Variants in GRHL2 observed in about 807,000 individuals in gnomAD.
GRHL2 encodes grainyhead-like protein 2 homolog.
In GRHL2, 21 loss-of-function variants were observed where a neutral mutation model predicts 83.8. That is an observed-to-expected ratio of 0.25 (90% CI 0.18 to 0.36). The LOEUF is 0.36. Ranked by LOEUF, GRHL2 falls within the 10% of genes least tolerant of loss-of-function variation. GRHL2 has a pLI of 1.00. For missense variants in GRHL2, 623 were observed against 781.8 expected, an observed-to-expected ratio of 0.80 and a Z score of 2.42; for synonymous variants, 280 against 278.9, an observed-to-expected ratio of 1.00 and a Z score of -0.04.
At chr8:101,595,395 C>G (rs1389073628) in intron 7 of GRHL2, among the ~76,000 whole-genome samples, 1 of 152,192 alleles carries the variant, frequency 6.6e-6, no homozygotes, top group Non-Finnish European at 1.5e-5. Context: ...CATGTTTGAA[C>G]AAATTTTCTT....
Position 101,524,556 on chromosome 8 carries a change from A to C in GRHL2, c.21-18685A>C, listed in dbSNP as rs528426202. On this transcript the variant is annotated intron_variant, in intron 1 of 15. Coordinates refer to ENST00000646743, the MANE Select transcript of GRHL2 (RefSeq NM_024915.4). Reference sequence around the variant, plus strand: ...ATCATGGAGTTCTAATTAAAAAAAAAGCTTCCTTTAAGAGCTGTTCTTTGA... The same window carrying C: ...ATCATGGAGTTCTAATTAAAAAAAACGCTTCCTTTAAGAGCTGTTCTTTGA... Among the ~76,000 whole-genome samples, 5 of 152,324 alleles carry C rather than the reference A, an allele frequency of 3.3e-5. No homozygotes were observed. The South Asian group carries it at 1.0e-3, about 32-fold the overall frequency.
intron 1 of GRHL2, among the ~76,000 whole-genome samples, chr8:101,514,127 AC>A (rs1293240294): frequency 6.6e-6 from 1 of 151,836 alleles, no homozygotes; most frequent in South Asian, 2.1e-4. Flanking sequence ...CCCCAGCCCC[AC>A]TCTTACACAC....
chr8:101,495,397 C>T (rs60758999), intron 1 of GRHL2, among the ~76,000 whole-genome samples: 5,406 of 152,204 alleles, frequency 0.036, 328 homozygotes, highest in African/African-American at 0.12. Flanking sequence ...AAACGTTCTG[C>T]TTTTGATGTT....
chr8:101,563,815 T>G (rs1303255547), intron 4 of GRHL2, among the ~76,000 whole-genome samples: 1 of 152,004 alleles, frequency 6.6e-6, no homozygotes, highest in Non-Finnish European at 1.5e-5. Context: ...TAGTGAGGGG[T>G]GCTTCTGTAG....
chr8:101,519,025 A>G (rs1442360588), intron 1 of GRHL2, among the ~76,000 whole-genome samples: 2 of 133,670 alleles, frequency 1.5e-5, no homozygotes, highest in East Asian at 4.5e-4. Context: ...ATGTCTGCAC[A>G]CTCACATACA....
chr8:101,505,588 A>AAAAC (rs1810323427), intron 1 of GRHL2, among the ~76,000 whole-genome samples: 1 of 151,490 alleles, frequency 6.6e-6, no homozygotes, highest in South Asian at 2.1e-4. Flanking sequence ...AAAAAAAAAA[A>AAAAC]AAAAAAAAAC....
At chr8:101,551,800 C>A (rs1811384527) in intron 2 of GRHL2, among the ~76,000 whole-genome samples, 1 of 148,968 alleles carries the variant, frequency 6.7e-6, no homozygotes, top group African/African-American at 2.5e-5. Context: ...TTTCAATGAG[C>A]ACTTTTTCAA....
chr8:101,501,186 A>G (rs147467210), intron 1 of GRHL2, among the ~76,000 whole-genome samples: 2 of 152,344 alleles, frequency 1.3e-5, no homozygotes, highest in Non-Finnish European at 2.9e-5. Context: ...GTGGAAAGCA[A>G]TCAATGCCTG....
intron 1 of GRHL2, among the ~76,000 whole-genome samples, chr8:101,514,778 C>T (rs1000216952): frequency 2.0e-5 from 3 of 152,216 alleles, no homozygotes; most frequent in Middle Eastern, 3.4e-3. Context: ...TTTAGGCAGA[C>T]GAATGTTAGG....
At chr8:101,547,890 C>T (rs181183436) in intron 2 of GRHL2, among the ~76,000 whole-genome samples, 1 of 152,318 alleles carries the variant, frequency 6.6e-6, no homozygotes, top group East Asian at 1.9e-4. Flanking sequence ...AGTAATAGCT[C>T]CACAGTTGTG....
intron 6 of GRHL2, among the ~76,000 whole-genome samples, chr8:101,576,993 A>ATAAACATC (rs1183655650): frequency 6.6e-6 from 1 of 152,070 alleles, no homozygotes; most frequent in Non-Finnish European, 1.5e-5. Flanking sequence ...CCACAAACAG[A>ATAAACATC]TGTTTGCTTC....
intron 8 of GRHL2, among the ~76,000 whole-genome samples, chr8:101,605,208 T>C (rs552937777): frequency 1.4e-3 from 220 of 152,250 alleles, no homozygotes; most frequent in African/African-American, 5.2e-3. Context: ...TGAGACCCAA[T>C]GGAGGTGGGG....
At chr8:101,605,095 C>T (rs929362821) in intron 8 of GRHL2, among the ~76,000 whole-genome samples, 30 of 152,174 alleles carry the variant, frequency 2.0e-4, no homozygotes, top group African/African-American at 6.8e-4. Context: ...ACCTTCCAGA[C>T]AGGAAGTTGT....
chr8:101,600,915 T>A (rs1812496115), intron 8 of GRHL2, among the ~76,000 whole-genome samples: 1 of 152,146 alleles, frequency 6.6e-6, no homozygotes, highest in Admixed American at 6.5e-5. Flanking sequence ...CCCAGCACTT[T>A]GAGAGGCCAA....
intron 2 of GRHL2, among the ~76,000 whole-genome samples, chr8:101,552,414 C>T (rs1217950740): frequency 6.6e-6 from 1 of 152,350 alleles, no homozygotes; most frequent in African/African-American, 2.4e-5. Flanking sequence ...TCCCCTCTTA[C>T]ACTCCCAAGG....
intron 1 of GRHL2, among the ~76,000 whole-genome samples, chr8:101,495,004 T>C (rs1394913155): frequency 6.6e-6 from 1 of 152,242 alleles, no homozygotes; most frequent in Non-Finnish European, 1.5e-5. Flanking sequence ...ATGCTTTAAG[T>C]CAATACATGA....
chr8:101,518,965 C>T (rs568991052), intron 1 of GRHL2, among the ~76,000 whole-genome samples: 11 of 152,250 alleles, frequency 7.2e-5, no homozygotes, highest in African/African-American at 1.7e-4. Context: ...CCACTGGCCT[C>T]GTCTGTTGGA....
chr8:101,548,780 C>A (rs892796024), intron 2 of GRHL2, among the ~76,000 whole-genome samples: 10 of 152,194 alleles, frequency 6.6e-5, no homozygotes, highest in Non-Finnish European at 1.5e-4. Context: ...AGGTTAATAA[C>A]CACCTTTATG....
At chr8:101,632,488 A>T in intron 11 of GRHL2, 123 bp downstream of exon 11, 3 of 1,165,358 alleles carry the variant, frequency 2.6e-6, no homozygotes, top group Non-Finnish European at 2.6e-6. Context: ...CTAGAGAAAA[A>T]GTCAATGTCA....
Sources: gnomAD v4.1 joint callset for allele counts (sites outside exome capture counted in the v4.1 genomes callset) on GRCh38, gnomAD v4.1.1 for gene constraint, MANE v1.5 for transcripts, NCBI Gene and HGNC (gene_info 2026-07-23, HGNC 2026-07-21) for gene names.